Variants in OR56A3 observed in about 807,000 individuals in gnomAD.
OR56A3 encodes the protein olfactory receptor 56A3.
OR56A3 carries 23 observed loss-of-function variants against 17.5 expected under a neutral mutation model. The ratio of observed to expected loss-of-function variants is 1.32; its 90% CI spans 0.95 to 1.87. The LOEUF is 1.87. Ranked by LOEUF, OR56A3 falls within the 40% of genes most tolerant of loss-of-function variation. OR56A3 has a pLI of 0.00. For synonymous variants in OR56A3, 175 were observed against 150.6 expected, an observed-to-expected ratio of 1.16 and a Z score of -1.19; for missense variants, 366 against 380.1, an observed-to-expected ratio of 0.96 and a Z score of 0.31.
the OR56A3 span, among the ~76,000 whole-genome samples, chr11:5,959,971 A>G: frequency 2.2e-4 from 34 of 152,234 alleles, no homozygotes; most frequent in Middle Eastern, 6.8e-3. Flanking sequence ...AAAATCATAG[A>G]TTTTAAATGA....
chr11:5,986,233 C>T, the OR56A3 span: 3 of 1,613,658 alleles, frequency 1.9e-6, no homozygotes, highest in Non-Finnish European at 1.7e-6. Flanking sequence ...ATAGGAAACA[C>T]CAATGGCCAG....
chr11:5,984,258 G>A, the OR56A3 span, among the ~76,000 whole-genome samples: 5 of 152,150 alleles, frequency 3.3e-5, no homozygotes, highest in Admixed American at 3.3e-4. Context: ...ATATACTTCA[G>A]GCAAAAGAAT....
the OR56A3 span, among the ~76,000 whole-genome samples, chr11:6,010,246 T>C: frequency 7.9e-5 from 12 of 152,216 alleles, no homozygotes; most frequent in African/African-American, 2.7e-4. Context: ...ATGCCGACTT[T>C]GTAATTTTGA....
chr11:6,011,202 T>TCATATACATATATATA, the OR56A3 span, among the ~76,000 whole-genome samples: 1 of 41,228 alleles, frequency 2.4e-5, no homozygotes, highest in East Asian at 3.8e-3. Flanking sequence ...AGGAGATTTA[T>TCATATACATATATATA]TTTATATATA....
the OR56A3 span, among the ~76,000 whole-genome samples, chr11:5,982,253 G>A: frequency 3.3e-5 from 5 of 152,174 alleles, no homozygotes; most frequent in East Asian, 1.9e-4. Flanking sequence ...CCACGCATAC[G>A]TGTGCATTGG....
At chr11:5,993,812 T>G in the OR56A3 span, 1 of 280,136 alleles carries the variant, frequency 3.6e-6, no homozygotes, top group Non-Finnish European at 7.0e-6. Flanking sequence ...CCAACATTTT[T>G]TTTAACTTCT....
At position 5,948,064 on chromosome 11, in the gene OR56A3, A is replaced by G. The variant is rs1056310405; in HGVS notation, c.718A>G (p.Lys240Glu). The G allele has an allele frequency of 7.4e-6, 12 of 1,614,212 alleles. No homozygotes were observed. Among genetic ancestry groups the G allele is most frequent in the Non-Finnish European group, 1.0e-5 (12 of 1,180,038 alleles). The change falls in exon 3 of 3, where the codon AAG becomes GAG. Residue 240 changes from lysine (K) to glutamate (E), a missense_variant. By Grantham distance (56) the Lys-to-Glu change is moderately conservative (BLOSUM62 1). Transcript: ENST00000641160. ...LRLKAEGAVA[K>E]ALSTCGSHFM... ...ACTCAAGGCAGAGGGTGCCGTGGCA[A>G]AGGCCCTAAGCACATGTGGCTCCCA...
At position 5,947,921 on chromosome 11, in the gene OR56A3, C is replaced by G; in HGVS notation, c.575C>G (p.Ser192Cys). ...GCCAATATGTCTGTTTCCAGACTCT[C>G]CTGCGATGATGTCACCATCAATCAC... The part of the protein sequence containing the change: ...ICANMSVSRL[S>C]CDDVTINHLY... Residue 192 changes from serine (S) to cysteine (C), a missense_variant, in exon 3 of 3, where the codon TCC becomes TGC. Transcript: ENST00000641160. The G allele has an allele frequency of 6.2e-7, 1 of 1,614,178 alleles. No homozygotes were observed. The highest frequency in any genetic ancestry group is 8.5e-7 in the Non-Finnish European group (1 of 1,179,994).
At chr11:5,961,315 G>A in the OR56A3 span, among the ~76,000 whole-genome samples, 1 of 152,238 alleles carries the variant, frequency 6.6e-6, no homozygotes, top group Non-Finnish European at 1.5e-5. Flanking sequence ...TAGAAAAGGG[G>A]GAAATGGGAA....
chr11:5,973,655 C>T, the OR56A3 span, among the ~76,000 whole-genome samples: 11 of 151,960 alleles, frequency 7.2e-5, no homozygotes, highest in South Asian at 2.1e-4. Context: ...ACAGAGAAGA[C>T]GAACAGTTGG....
the OR56A3 span, among the ~76,000 whole-genome samples, chr11:5,982,566 C>G: frequency 6.6e-6 from 1 of 152,164 alleles, no homozygotes; most frequent in African/African-American, 2.4e-5. Context: ...TCAGATCAGA[C>G]TTGCCTGGTC....
At chr11:5,992,565 T>C in the OR56A3 span, among the ~76,000 whole-genome samples, 2 of 152,192 alleles carry the variant, frequency 1.3e-5, no homozygotes, top group Non-Finnish European at 2.9e-5. Flanking sequence ...AAAAGACAAA[T>C]GCTGCCTGCC....
chr11:6,014,559 C>A, the OR56A3 span, among the ~76,000 whole-genome samples: 596 of 152,220 alleles, frequency 3.9e-3, 14 homozygotes, highest in Non-Finnish European at 1.2e-3. Context: ...TCCTGTACAG[C>A]CTGTGTAACT....
the OR56A3 span, chr11:5,968,286 G>A: frequency 1.2e-6 from 2 of 1,612,752 alleles, no homozygotes; most frequent in African/African-American, 1.3e-5. Flanking sequence ...GTCCAGCAGG[G>A]AGAGGAGGCT....
chr11:6,012,896 A>T, the OR56A3 span, among the ~76,000 whole-genome samples: 1 of 152,372 alleles, frequency 6.6e-6, no homozygotes, highest in East Asian at 1.9e-4. Context: ...CTGGGCTGTG[A>T]TAGCACCCAA....
At position 5,950,913 on chromosome 11, in the gene OR56A3, A is replaced by G. The variant is rs546733397; in HGVS notation, c.*2619A>G. On this transcript the variant is annotated 3_prime_UTR_variant, in exon 3 of 3. Transcript: ENST00000641160. ...CAGATATGGATAGAAAATAAAGTTA[A>G]TTAGAAAATATGTATTCTTCTTGAA... 1 of 152,298 alleles carries G rather than the reference A, an allele frequency of 6.6e-6. No individual in the cohort carries two copies. Among genetic ancestry groups the G allele is most frequent in the African/African-American group, 2.4e-5 (1 of 41,582 alleles). 9.4% of individuals were successfully genotyped at this position (152,298 alleles called of 1,614,324 possible). A position where few individuals can be genotyped will look rare whatever the true frequency, so the allele number is the denominator to read the frequency against.
the OR56A3 span, among the ~76,000 whole-genome samples, chr11:5,976,874 C>T: frequency 6.6e-6 from 1 of 152,136 alleles, no homozygotes; most frequent in African/African-American, 2.4e-5. Context: ...CCTTCTGCCA[C>T]CCACCACCAA....
the OR56A3 span, among the ~76,000 whole-genome samples, chr11:5,956,925 G>A: frequency 6.6e-6 from 1 of 152,168 alleles, no homozygotes; most frequent in African/African-American, 2.4e-5. Context: ...GGGAGGCCGA[G>A]GCAGGCAATT....
At chr11:5,945,590 A>G (rs1847864964) in intron 2 of OR56A3, among the ~76,000 whole-genome samples, 1 of 150,394 alleles carries the variant, frequency 6.6e-6, no homozygotes, top group Non-Finnish European at 1.5e-5. Context: ...AAAAAAAAAA[A>G]AAAAAAAAAA....
Sources: gnomAD v4.1 joint callset for allele counts (sites outside exome capture counted in the v4.1 genomes callset) on GRCh38, gnomAD v4.1.1 for gene constraint, MANE v1.5 for transcripts, NCBI Gene and HGNC (gene_info 2026-07-23, HGNC 2026-07-21) for gene names.